FMN2: variants seen among roughly 807,000 people sequenced by gnomAD.
FMN2 encodes formin 2, also known as formin-2.
A neutral mutation model predicts 142.3 loss-of-function variants in FMN2; 51 were observed. The ratio of observed to expected loss-of-function variants is 0.36; its 90% CI spans 0.29 to 0.45. The LOEUF (loss-of-function observed/expected upper bound fraction) is 0.45. Among genes scored for constraint, FMN2 ranks in the 20% least tolerant of loss-of-function variants. The pLI is 1.00. For missense variants in FMN2, 1,936 were observed against 2,122.8 expected, an observed-to-expected ratio of 0.91 and a Z score of 1.73; for synonymous variants, 882 against 869.8, an observed-to-expected ratio of 1.01 and a Z score of -0.25.
At chr1:240,468,204 ATATGTGTG>A (rs1483547516) in intron 16 of FMN2, among the ~76,000 whole-genome samples, 1 of 90,504 alleles carries the variant, frequency 1.1e-5, no homozygotes, top group Non-Finnish European at 2.0e-5. Context: ...AAATATATAT[ATATGTGTG>A]TGTGTGTGTG....
intron 6 of FMN2, among the ~76,000 whole-genome samples, chr1:240,215,228 T>G (rs1423847119): frequency 6.6e-6 from 1 of 152,240 alleles, no homozygotes; most frequent in Non-Finnish European, 1.5e-5. Context: ...GTAATAGTAG[T>G]AATTATTACA....
At chr1:240,437,524 G>A (rs962875294) in intron 15 of FMN2, among the ~76,000 whole-genome samples, 2 of 151,824 alleles carry the variant, frequency 1.3e-5, no homozygotes, top group Non-Finnish European at 2.9e-5. Flanking sequence ...GGATGGTCTC[G>A]ATCTCCTGAC....
intron 13 of FMN2, among the ~76,000 whole-genome samples, chr1:240,354,865 GT>G (rs1019919303): frequency 1.3e-5 from 2 of 149,976 alleles, no homozygotes; most frequent in Non-Finnish European, 1.5e-5. Context: ...TGTCGTTGTT[GT>G]TTTTTTTTGC....
chr1:240,130,691 A>G (rs897983022), intron 2 of FMN2, among the ~76,000 whole-genome samples: 2 of 152,196 alleles, frequency 1.3e-5, no homozygotes, highest in African/African-American at 2.4e-5. Context: ...TTTCTTATAC[A>G]GGGAACTCCC....
chr1:240,413,120 CAAA>C (rs35590068), intron 15 of FMN2, among the ~76,000 whole-genome samples: 119 of 24,578 alleles, frequency 4.8e-3, no homozygotes, highest in African/African-American at 0.012. Flanking sequence ...GAGACTCTGT[CAAA>C]AAAAAAAAAA....
At chr1:240,135,107 G>A (rs1272565380) in intron 2 of FMN2, among the ~76,000 whole-genome samples, 5 of 152,140 alleles carry the variant, frequency 3.3e-5, no homozygotes, top group Admixed American at 2.0e-4. Context: ...GACAGATAAC[G>A]TGGCATGGAA....
rs146490924 is a variant in FMN2 at position 240,165,043 on chromosome 1, A to C, written c.1783-12878A>C. ...ATTGTTTCTTTTTATCCTTCTTTGA[A>C]TGCACTAATTTTTTATTCAGCTGCT... On this transcript the variant is annotated intron_variant, in intron 2 of 17. Coordinates refer to ENST00000319653, the MANE Select transcript of FMN2 (RefSeq NM_020066.5). Among the ~76,000 whole-genome samples the C allele has an allele frequency of 7.5e-3, 1,138 of 152,222 alleles. 16 individuals are homozygous for C. Among genetic ancestry groups the C allele is most frequent in the Non-Finnish European group, 0.011 (747 of 68,016 alleles).
At chr1:240,152,160 G>A (rs988664291) in intron 2 of FMN2, among the ~76,000 whole-genome samples, 2 of 151,654 alleles carry the variant, frequency 1.3e-5, no homozygotes, top group African/African-American at 4.8e-5. Context: ...CCTTCTTGAG[G>A]GTAGGTACCA....
At chr1:240,411,077 T>C (rs920630360) in intron 15 of FMN2, among the ~76,000 whole-genome samples, 3 of 151,822 alleles carry the variant, frequency 2.0e-5, no homozygotes, top group African/African-American at 7.3e-5. Flanking sequence ...CTACTTCTTC[T>C]TGTATTACAA....
At chr1:240,202,770 CT>C (rs1314576827) in intron 4 of FMN2, among the ~76,000 whole-genome samples, 1 of 152,118 alleles carries the variant, frequency 6.6e-6, no homozygotes, top group Non-Finnish European at 1.5e-5. Context: ...ATCAGAATCA[CT>C]TTTTCCTCTG....
chr1:240,264,174 A>G (rs1668719609), intron 7 of FMN2, among the ~76,000 whole-genome samples: 1 of 152,048 alleles, frequency 6.6e-6, no homozygotes. Flanking sequence ...TGCCAGTGAG[A>G]TCTCAGTGTT....
At chr1:240,347,690 C>G (rs1207290042) in intron 13 of FMN2, among the ~76,000 whole-genome samples, 1 of 152,160 alleles carries the variant, frequency 6.6e-6, no homozygotes, top group Admixed American at 6.5e-5. Context: ...CTTTCCCCCT[C>G]TGTCTCTCCC....
intron 15 of FMN2, among the ~76,000 whole-genome samples, chr1:240,413,911 A>G (rs1395205693): frequency 1.3e-5 from 2 of 152,262 alleles, no homozygotes; most frequent in Non-Finnish European, 2.9e-5. Flanking sequence ...TCTTATAAGA[A>G]AGATATTCCA....
chr1:240,402,074 A>G (rs756657506), intron 15 of FMN2, among the ~76,000 whole-genome samples: 8 of 152,242 alleles, frequency 5.3e-5, no homozygotes, highest in Admixed American at 1.3e-4. Flanking sequence ...TAAACCTCAC[A>G]CACACATTAT....
At chr1:240,212,790 G>A (rs1666743378) in intron 6 of FMN2, among the ~76,000 whole-genome samples, 1 of 152,148 alleles carries the variant, frequency 6.6e-6, no homozygotes, top group Admixed American at 6.5e-5. Flanking sequence ...GAGGAATATG[G>A]GTGGGGCTTA....
Position 240,223,685 on chromosome 1 carries a change from A to G in FMN2, c.4065+12450A>G, listed in dbSNP as rs1055676072. On this transcript the variant is annotated intron_variant, in intron 6 of 17. Transcript: ENST00000319653. ...GAACTTGTTATTGGTTTATTCAGGG[A>G]TATGACTTCTTCCTTGTTTGGACTT... 2.6e-5 allele frequency among the ~76,000 whole-genome samples: 4 copies of G among 152,128 alleles called. No homozygotes were observed. In the East Asian group the frequency reaches 7.7e-4, roughly 29 times the overall value.
At chr1:240,381,008 T>G (rs1673207625) in intron 14 of FMN2, among the ~76,000 whole-genome samples, 1 of 152,122 alleles carries the variant, frequency 6.6e-6, no homozygotes, top group South Asian at 2.1e-4. Context: ...ATTGAGTCAG[T>G]AATTTTTTTA....
chr1:240,203,666 T>C lies in FMN2; in HGVS notation c.1987-3133T>C, dbSNP rs1666217084. 3.3e-5 allele frequency among the ~76,000 whole-genome samples: 5 copies of C among 151,830 alleles called. No homozygotes were observed. In the South Asian group the frequency reaches 1.0e-3, roughly 32 times the overall value. On this transcript the variant is annotated intron_variant, in intron 4 of 17. Coordinates refer to ENST00000319653, the MANE Select transcript of FMN2 (RefSeq NM_020066.5). ...ACACTGGGGCCTTTTAGGAGGAGTA[T>C]GGGGAGGGAGAGCATCAGGATAAGC...
chr1:240,165,564 T>G (rs1238781483), intron 2 of FMN2, among the ~76,000 whole-genome samples: 1 of 152,200 alleles, frequency 6.6e-6, no homozygotes, highest in Admixed American at 6.5e-5. Context: ...GATCCCTGTG[T>G]GTCTTTTTCT....
Sources: allele counts gnomAD v4.1 joint callset (sites outside exome capture counted in the v4.1 genomes callset), GRCh38; gene constraint gnomAD v4.1.1; transcripts MANE v1.5; gene names NCBI Gene and HGNC (gene_info 2026-07-23, HGNC 2026-07-21).